PRKCH: variants seen among roughly 807,000 people sequenced by gnomAD.
PRKCH encodes the protein protein kinase C eta type.
In PRKCH, 28 loss-of-function variants were observed where a neutral mutation model predicts 82.5. The observed-to-expected ratio is 0.34, with a 90% CI of 0.25 to 0.47. The LOEUF (loss-of-function observed/expected upper bound fraction) is 0.47, where lower values mean the gene tolerates loss of function less well. Among genes scored for constraint, PRKCH ranks in the 20% least tolerant of loss-of-function variants. The probability of loss-of-function intolerance (pLI) is 1.00; values close to 1 mark genes in which losing one functional copy is unlikely to be tolerated. For missense variants in PRKCH, 705 were observed against 881.8 expected, an observed-to-expected ratio of 0.80 and a Z score of 2.54; for synonymous variants, 322 against 327.4, an observed-to-expected ratio of 0.98 and a Z score of 0.18.
rs141929627 is a variant in PRKCH, at chr14:61,466,223, A to G, written c.1278+8544A>G. Among the ~76,000 whole-genome samples, 110 of 152,286 alleles carry G rather than the reference A, an allele frequency of 7.2e-4. No homozygotes were observed. In the East Asian group the frequency reaches 0.013, roughly 18 times the overall value. On this transcript the variant is annotated intron_variant, in intron 9 of 13. Transcript: ENST00000332981. ...TTACCAAATTTGGTAATAGGATTAC[A>G]TTTCTTCAACAATGGGGGTAGGAGG...
intron 1 of PRKCH, among the ~76,000 whole-genome samples, chr14:61,198,717 A>G (rs2044458683): frequency 6.6e-6 from 1 of 152,186 alleles, no homozygotes; most frequent in South Asian, 2.1e-4. Flanking sequence ...ACAGACTCAA[A>G]TGGTCTCAGG....
intron 2 of PRKCH, among the ~76,000 whole-genome samples, chr14:61,420,114 A>G (rs892543145): frequency 2.0e-5 from 3 of 152,178 alleles, no homozygotes; most frequent in African/African-American, 7.2e-5. Flanking sequence ...AGCTTGGACC[A>G]TGGTTATTCC....
intron 1 of PRKCH, among the ~76,000 whole-genome samples, chr14:61,257,443 C>G (rs1202028062): frequency 6.6e-6 from 1 of 152,076 alleles, no homozygotes. Flanking sequence ...CCTATTTGTT[C>G]TCTGCATTTT....
At chr14:61,532,342 A>G (rs776958551) in intron 12 of PRKCH, among the ~76,000 whole-genome samples, 3 of 152,352 alleles carry the variant, frequency 2.0e-5, no homozygotes, top group South Asian at 2.1e-4. Context: ...CTATGCCTCA[A>G]TAAATTTTTA....
At chr14:61,419,929 G>C (rs1489616133) in intron 2 of PRKCH, among the ~76,000 whole-genome samples, 1 of 152,238 alleles carries the variant, frequency 6.6e-6, no homozygotes, top group African/African-American at 2.4e-5. Flanking sequence ...AATTTGCCCT[G>C]TTTTGCCAGA....
At chr14:61,406,460 A>G (rs752340501) in intron 2 of PRKCH, among the ~76,000 whole-genome samples, 1 of 152,226 alleles carries the variant, frequency 6.6e-6, no homozygotes, top group African/African-American at 2.4e-5. Context: ...CTGCCCATCA[A>G]CTGTTAGACT....
chr14:61,532,024 G>A (rs936450885), intron 12 of PRKCH, among the ~76,000 whole-genome samples: 6 of 152,136 alleles, frequency 3.9e-5, no homozygotes, highest in African/African-American at 1.4e-4. Context: ...TGCTGCAGAC[G>A]GAGGCGTACT....
At chr14:61,348,134 C>G (rs1293091478) in intron 1 of PRKCH, 1 of 152,146 alleles carries the variant, frequency 6.6e-6, no homozygotes, top group African/African-American at 2.4e-5. Context: ...TACAACTTCC[C>G]AAATGTACAA....
chr14:61,528,173 C>CACAT (rs2042993790), intron 10 of PRKCH: 1 of 151,876 alleles, frequency 6.6e-6, no homozygotes, highest in African/African-American at 2.4e-5. Flanking sequence ...CACACACACA[C>CACAT]ACACACACAA....
In PRKCH at chr14:61,494,914, A is replaced by C. The variant is rs112109947; in HGVS notation, c.1433+9258A>C. On this transcript the variant is annotated intron_variant, in intron 10 of 13. Transcript: ENST00000332981. ...GGAATTGCAAGTGATTGATATACTT[A>C]CCATGAACTTACCATAAACCCTTGA... is the stretch of plus-strand genomic sequence containing the variant. Among the ~76,000 whole-genome samples, 242 of 152,340 alleles carry C rather than the reference A, an allele frequency of 1.6e-3. 1 individual carries two copies. The South Asian group carries it at 0.018, about 11-fold the overall frequency.
At chr14:61,461,430 A>G (rs1256965422) in intron 9 of PRKCH, among the ~76,000 whole-genome samples, 4 of 152,324 alleles carry the variant, frequency 2.6e-5, no homozygotes, top group African/African-American at 9.6e-5. Context: ...GAACACCACC[A>G]TGAACACCAT....
intron 1 of PRKCH, among the ~76,000 whole-genome samples, chr14:61,300,665 A>G (rs2045441718): frequency 6.6e-6 from 1 of 152,190 alleles, no homozygotes; most frequent in African/African-American, 2.4e-5. Context: ...TTTTAATGAA[A>G]AGTAGCCCCC....
chr14:61,416,033 T>TTTCTC (rs1882529655), intron 2 of PRKCH, among the ~76,000 whole-genome samples: 1 of 143,116 alleles, frequency 7.0e-6, no homozygotes, highest in African/African-American at 2.6e-5. Context: ...CCTTGCCTCT[T>TTTCTC]TTTTCTTTTC....
At chr14:61,511,150 A>T (rs544837255) in intron 10 of PRKCH, among the ~76,000 whole-genome samples, 2 of 152,178 alleles carry the variant, frequency 1.3e-5, no homozygotes, top group African/African-American at 2.4e-5. Context: ...TGCTCATATT[A>T]TCCATCAGTT....
At chr14:61,534,639 G>T (rs75773926) in intron 12 of PRKCH, among the ~76,000 whole-genome samples, 2,355 of 152,190 alleles carry the variant, frequency 0.015, 69 homozygotes, top group East Asian at 0.096. Context: ...ATCATTAGAG[G>T]CATAAACACA....
chr14:61,444,342 C>T (rs911617581), intron 3 of PRKCH, among the ~76,000 whole-genome samples: 3 of 152,090 alleles, frequency 2.0e-5, no homozygotes, highest in Non-Finnish European at 4.4e-5. Flanking sequence ...AGGCTGCACT[C>T]GACTTAGCCA....
chr14:61,484,004 G>A (rs1198856465), intron 9 of PRKCH, among the ~76,000 whole-genome samples: 1 of 152,212 alleles, frequency 6.6e-6, no homozygotes, highest in African/African-American at 2.4e-5. Context: ...TCGTGCCACT[G>A]CACTTCAGCT....
intron 1 of PRKCH, among the ~76,000 whole-genome samples, chr14:61,365,575 A>G (rs2046287906): frequency 6.6e-6 from 1 of 152,108 alleles, no homozygotes; most frequent in Non-Finnish European, 1.5e-5. Flanking sequence ...AGCAGTTTCT[A>G]GTGCTGAGGG....
At chr14:61,536,113 C>T (rs1285460094) in intron 12 of PRKCH, among the ~76,000 whole-genome samples, 1 of 152,192 alleles carries the variant, frequency 6.6e-6, no homozygotes, top group Non-Finnish European at 1.5e-5. Flanking sequence ...ACAAGCTCCC[C>T]TGTGGATCCT....
Sources: allele counts gnomAD v4.1 joint callset (sites outside exome capture counted in the v4.1 genomes callset), GRCh38; gene constraint gnomAD v4.1.1; transcripts MANE v1.5; gene names NCBI Gene and HGNC (gene_info 2026-07-23, HGNC 2026-07-21).